The following SH3RF3 variants were observed in gnomAD, a reference collection of about 807,000 sequenced individuals.
SH3RF3 encodes SH3 domain containing ring finger 3.
Under a neutral mutation model 66.3 loss-of-function variants are expected in SH3RF3, and 29 were observed. The ratio of observed to expected loss-of-function variants is 0.44; its 90% CI spans 0.33 to 0.60. The LOEUF (loss-of-function observed/expected upper bound fraction) is 0.60, where lower values mean the gene tolerates loss of function less well. Among genes scored for constraint, SH3RF3 ranks in the 20% least tolerant of loss-of-function variants. The pLI is 0.04. For missense variants in SH3RF3, 1,194 were observed against 1,190.9 expected (o/e 1.00, Z -0.04); for synonymous variants, 583 against 532.0 (o/e 1.10, Z -1.32).
chr2:109,215,871 C>T (rs1030679296), intron 1 of SH3RF3, among the ~76,000 whole-genome samples: 15 of 152,058 alleles, frequency 9.9e-5, no homozygotes, highest in Admixed American at 4.6e-4. Context: ...TTAGGAGTCC[C>T]GAGGAACCGG....
chr2:109,249,395 C>CT (rs746301753), intron 1 of SH3RF3, among the ~76,000 whole-genome samples: 33 of 152,202 alleles, frequency 2.2e-4, no homozygotes, highest in Non-Finnish European at 1.5e-4. Context: ...AACCAAAGCT[C>CT]AGAGGATCTG....
rs112263121 is a variant in SH3RF3 at position 109,320,219 on chromosome 2, T to C, written c.574-27455T>C. Among the ~76,000 whole-genome samples the C allele has an allele frequency of 6.0e-3, 909 of 152,238 alleles. 9 individuals carry two copies. The highest frequency in any genetic ancestry group is 0.021 in the African/African-American group (881 of 41,546). ...CCTCTGCTCGGCTCATTGACTCTAA[T>C]TCCATTTTTGAGGGCTGCTTTCCGG... On this transcript the variant is annotated intron_variant, in intron 1 of 9. Transcript: ENST00000309415.
chr2:109,245,903 T>C (rs961767014), intron 1 of SH3RF3, among the ~76,000 whole-genome samples: 3 of 152,184 alleles, frequency 2.0e-5, no homozygotes, highest in Non-Finnish European at 4.4e-5. Flanking sequence ...ATCCCGGGCA[T>C]CATTTACTGG....
intron 9 of SH3RF3, 34 bp downstream of exon 9, chr2:109,490,970 C>T: frequency 7.0e-7 from 1 of 1,422,056 alleles, no homozygotes. Flanking sequence ...CTGTGGCATG[C>T]TGTGGTTTGG....
At chr2:109,285,133 AG>A (rs1266443507) in intron 1 of SH3RF3, among the ~76,000 whole-genome samples, 1 of 152,222 alleles carries the variant, frequency 6.6e-6, no homozygotes, top group East Asian at 1.9e-4. Flanking sequence ...GGTCTGGAGT[AG>A]GGGTGACAGT....
chr2:109,212,192 A>T (rs908354649), intron 1 of SH3RF3, among the ~76,000 whole-genome samples: 6 of 152,150 alleles, frequency 3.9e-5, no homozygotes, highest in Non-Finnish European at 5.9e-5. Flanking sequence ...GGTACCAGCC[A>T]CTGGTGTCTG....
intron 1 of SH3RF3, among the ~76,000 whole-genome samples, chr2:109,202,331 A>C (rs1359542151): frequency 6.6e-6 from 1 of 152,140 alleles, no homozygotes; most frequent in East Asian, 1.9e-4. Context: ...GAAACTCCCT[A>C]GGAGTGTGTC....
chr2:109,432,293 C>T (rs371296546), intron 5 of SH3RF3, among the ~76,000 whole-genome samples: 2 of 152,198 alleles, frequency 1.3e-5, no homozygotes, highest in East Asian at 1.9e-4. Flanking sequence ...GCAGGCAGCT[C>T]CCCGAAGGCT....
chr2:109,251,230 T>G (rs1408119749), intron 1 of SH3RF3, among the ~76,000 whole-genome samples: 1 of 152,162 alleles, frequency 6.6e-6, no homozygotes, highest in Admixed American at 6.5e-5. Context: ...CTCGAACTCC[T>G]TACCTTGGGT....
intron 3 of SH3RF3, among the ~76,000 whole-genome samples, chr2:109,372,448 C>T (rs573573062): frequency 1.3e-5 from 2 of 152,322 alleles, no homozygotes; most frequent in East Asian, 1.9e-4. Context: ...TAACCACCAG[C>T]GTCATCCCAT....
At chr2:109,423,081 C>A (rs1676925861) in intron 5 of SH3RF3, among the ~76,000 whole-genome samples, 1 of 152,168 alleles carries the variant, frequency 6.6e-6, no homozygotes, top group Admixed American at 6.5e-5. Flanking sequence ...TCGATGGGTG[C>A]AGTTCATTAC....
At chr2:109,422,533 C>A (rs1676909780) in intron 5 of SH3RF3, among the ~76,000 whole-genome samples, 1 of 152,202 alleles carries the variant, frequency 6.6e-6, no homozygotes, top group Admixed American at 6.5e-5. Context: ...TCAGTTTGCT[C>A]ACCCAGTGCA....
chr2:109,492,134 T>C (rs970079245), intron 9 of SH3RF3, among the ~76,000 whole-genome samples: 10 of 152,230 alleles, frequency 6.6e-5, no homozygotes, highest in Non-Finnish European at 1.2e-4. Flanking sequence ...TGTAGATGAA[T>C]GGGCCGGTGT....
intron 1 of SH3RF3, among the ~76,000 whole-genome samples, chr2:109,282,210 G>A (rs767150511): frequency 1.5e-4 from 23 of 152,104 alleles, no homozygotes; most frequent in Admixed American, 5.2e-4. Flanking sequence ...GTTTATTGGG[G>A]TTAAACCTGC....
intron 1 of SH3RF3, among the ~76,000 whole-genome samples, chr2:109,221,547 A>G (rs984817413): frequency 1.4e-5 from 2 of 143,016 alleles, no homozygotes; most frequent in Non-Finnish European, 3.0e-5. Flanking sequence ...GCGCCAGTGC[A>G]CTCCAGCCTG....
chr2:109,481,846 A>G (rs1678844801), intron 8 of SH3RF3, among the ~76,000 whole-genome samples: 1 of 152,114 alleles, frequency 6.6e-6, no homozygotes, highest in African/African-American at 2.4e-5. Context: ...GTGCCTGCCC[A>G]GGTCACAAGG....
intron 4 of SH3RF3, among the ~76,000 whole-genome samples, chr2:109,403,902 A>G (rs1676380696): frequency 6.6e-6 from 1 of 152,144 alleles, no homozygotes; most frequent in Non-Finnish European, 1.5e-5. Context: ...GGCCACTGTG[A>G]GGGTGGAGTG....
intron 1 of SH3RF3, among the ~76,000 whole-genome samples, chr2:109,243,667 C>G (rs1168458126): frequency 6.6e-6 from 1 of 152,088 alleles, no homozygotes; most frequent in African/African-American, 2.4e-5. Context: ...GAGAAGGGGC[C>G]AGGGAGGCAA....
chr2:109,178,220 G>A (rs556392461), intron 1 of SH3RF3, among the ~76,000 whole-genome samples: 3 of 152,272 alleles, frequency 2.0e-5, no homozygotes, highest in African/African-American at 7.2e-5. Flanking sequence ...TTCATACATT[G>A]CAGAGTCATA....
Sources: allele counts gnomAD v4.1 joint callset (sites outside exome capture counted in the v4.1 genomes callset), GRCh38; gene constraint gnomAD v4.1.1; transcripts MANE v1.5; gene names NCBI Gene and HGNC (gene_info 2026-07-23, HGNC 2026-07-21).